SLIT2: variants seen among roughly 807,000 people sequenced by gnomAD.
The protein encoded by SLIT2 is slit homolog 2 protein.
In SLIT2, 41 loss-of-function variants were observed where a neutral mutation model predicts 185.7. The ratio of observed to expected loss-of-function variants is 0.22; its 90% CI spans 0.17 to 0.29. The LOEUF is 0.29. Ranked by LOEUF, SLIT2 falls within the 10% of genes least tolerant of loss-of-function variation. SLIT2 has a pLI of 1.00. For missense variants in SLIT2, 1,571 were observed against 1,909.0 expected, an observed-to-expected ratio of 0.82 and a Z score of 3.30; for synonymous variants, 693 against 680.2, an observed-to-expected ratio of 1.02 and a Z score of -0.29.
intron 4 of SLIT2, among the ~76,000 whole-genome samples, chr4:20,417,770 A>G (rs574736648): frequency 4.9e-4 from 74 of 151,790 alleles, no homozygotes; most frequent in African/African-American, 1.6e-3. Context: ...CGCCCGCCTC[A>G]GCCTCCCAAA....
At chr4:20,481,840 G>A (rs1716735060) in intron 6 of SLIT2, among the ~76,000 whole-genome samples, 2 of 151,920 alleles carry the variant, frequency 1.3e-5, no homozygotes, top group African/African-American at 2.4e-5. Flanking sequence ...GCTGTGTAAT[G>A]TACTGTTATT....
chr4:20,269,043 T>C (rs1261215054), intron 4 of SLIT2, among the ~76,000 whole-genome samples, 162 bp downstream of exon 4: 11 of 151,950 alleles, frequency 7.2e-5, no homozygotes, highest in Admixed American at 7.2e-4. Flanking sequence ...ATTTGTTTTC[T>C]AGTGGTTCCA....
Position 20,617,519 on chromosome 4 carries a change from G to A in SLIT2, c.4217G>A (p.Cys1406Tyr), listed in dbSNP as rs1382503867. The change falls in exon 36 of 37, where the codon TGT becomes TAT. Residue 1406 changes from cysteine (C) to tyrosine (Y), a missense_variant. By Grantham distance (194) the Cys-to-Tyr change is radical. Transcript: ENST00000504154. ...KCLEGHGGVL[C>Y]DEEEDLFNPC... Reference sequence around the variant, plus strand: ...TTGGAGGGCCATGGAGGTGTCCTCTGTGATGAAGAGGAGGATCTGTTTAAC... The same window carrying A: ...TTGGAGGGCCATGGAGGTGTCCTCTATGATGAAGAGGAGGATCTGTTTAAC... The A allele has an allele frequency of 6.2e-7, 1 of 1,613,658 alleles. No homozygotes were observed. The highest frequency in any genetic ancestry group is 8.5e-7 in the Non-Finnish European group (1 of 1,179,728).
intron 5 of SLIT2, among the ~76,000 whole-genome samples, chr4:20,476,168 G>T (rs1476529542): frequency 6.6e-6 from 1 of 151,786 alleles, no homozygotes; most frequent in Non-Finnish European, 1.5e-5. Flanking sequence ...TTATATCTGG[G>T]GCTACTCTTT....
chr4:20,269,626 T>C (rs1405727286), intron 4 of SLIT2, among the ~76,000 whole-genome samples: 1 of 151,896 alleles, frequency 6.6e-6, no homozygotes, highest in Non-Finnish European at 1.5e-5. Flanking sequence ...CTACAAAGTT[T>C]TGGAAAAATA....
At chr4:20,597,547 G>T (rs1400915582) in intron 32 of SLIT2, among the ~76,000 whole-genome samples, 1 of 152,152 alleles carries the variant, frequency 6.6e-6, no homozygotes, top group Non-Finnish European at 1.5e-5. Flanking sequence ...GGCAAATTAT[G>T]TCTACATATT....
chr4:20,387,047 T>C (rs1260723195), intron 4 of SLIT2, among the ~76,000 whole-genome samples: 1 of 152,196 alleles, frequency 6.6e-6, no homozygotes, highest in Non-Finnish European at 1.5e-5. Flanking sequence ...CTTTCTGTCT[T>C]ACAGGACGGA....
chr4:20,278,328 T>A (rs1714370623), intron 4 of SLIT2, among the ~76,000 whole-genome samples: 1 of 152,130 alleles, frequency 6.6e-6, no homozygotes, highest in African/African-American at 2.4e-5. Flanking sequence ...GGAATGTTGT[T>A]AAAATCTCTC....
chr4:20,508,331 C>T (rs1375038931), intron 9 of SLIT2, among the ~76,000 whole-genome samples: 1 of 151,872 alleles, frequency 6.6e-6, no homozygotes, highest in African/African-American at 2.4e-5. Context: ...TAAAAGGAGG[C>T]CATGCTTTCA....
chr4:20,345,503 C>T (rs1333219739), intron 4 of SLIT2, among the ~76,000 whole-genome samples: 8 of 149,536 alleles, frequency 5.3e-5, no homozygotes, highest in Admixed American at 1.3e-4. Context: ...TTTTTTTTTC[C>T]TTTTTTCTTT....
chr4:20,288,186 T>C (rs4358400), intron 4 of SLIT2, among the ~76,000 whole-genome samples: 50,935 of 151,690 alleles, frequency 0.34, 9,608 homozygotes, highest in East Asian at 0.81. Context: ...AAAAAAACAG[T>C]GTGTGAGTCA....
chr4:20,536,735 G>A (rs1268734330), intron 18 of SLIT2, among the ~76,000 whole-genome samples: 2 of 150,968 alleles, frequency 1.3e-5, no homozygotes, highest in East Asian at 3.9e-4. Flanking sequence ...ATAACACTTA[G>A]CTTAAACACA....
intron 30 of SLIT2, among the ~76,000 whole-genome samples, chr4:20,593,226 A>C (rs1268705216): frequency 6.6e-6 from 1 of 152,138 alleles, no homozygotes; most frequent in Non-Finnish European, 1.5e-5. Context: ...AAACTATACT[A>C]ATTAATTTAC....
At chr4:20,356,794 C>T (rs1351038598) in intron 4 of SLIT2, among the ~76,000 whole-genome samples, 2 of 152,132 alleles carry the variant, frequency 1.3e-5, no homozygotes, top group African/African-American at 4.8e-5. Flanking sequence ...AACGCTCCTT[C>T]TTCAGTGCAA....
At chr4:20,432,017 TTG>T (rs1332588874) in intron 4 of SLIT2, among the ~76,000 whole-genome samples, 2 of 137,560 alleles carry the variant, frequency 1.5e-5, no homozygotes, top group African/African-American at 5.3e-5. Flanking sequence ...GTGTGTGTGC[TTG>T]TGTGTGTGAG....
rs957741536 is a variant in SLIT2, at chr4:20,252,915, C to T, written c.-901C>T. ...AGTCTTCGCAGCAGCTCTCATCCTC[C>T]ACTTGGCCTCTTGGAGTTCCTCGCC... On this transcript the variant is annotated 5_prime_UTR_variant, in exon 1 of 37. Transcript: ENST00000504154. 6.6e-6 allele frequency among the ~76,000 whole-genome samples: 1 copy of T among 152,202 alleles called. No homozygotes were observed. Among genetic ancestry groups the T allele is most frequent in the African/African-American group, 2.4e-5 (1 of 41,462 alleles).
intron 1 of SLIT2, chr4:20,255,080 G>T (rs1366812157): frequency 2.2e-6 from 1 of 455,900 alleles, no homozygotes; most frequent in East Asian, 7.0e-5. Flanking sequence ...CCCTAGGCAC[G>T]TTCCGCTCTC....
chr4:20,296,435 C>A (rs1716488306), intron 4 of SLIT2, among the ~76,000 whole-genome samples: 1 of 152,162 alleles, frequency 6.6e-6, no homozygotes, highest in Non-Finnish European at 1.5e-5. Context: ...GTGTCTATTG[C>A]TGTATTTAAA....
chr4:20,613,727 A>G (rs1729421895), intron 34 of SLIT2, among the ~76,000 whole-genome samples: 1 of 152,148 alleles, frequency 6.6e-6, no homozygotes, highest in Admixed American at 6.5e-5. Flanking sequence ...AAACAAAAAA[A>G]ACCAGGGATG....
Sources: allele counts gnomAD v4.1 joint callset (sites outside exome capture counted in the v4.1 genomes callset), GRCh38; gene constraint gnomAD v4.1.1; transcripts MANE v1.5; gene names NCBI Gene and HGNC (gene_info 2026-07-23, HGNC 2026-07-21).